The following ZNF704 variants were observed in gnomAD, a reference collection of about 807,000 sequenced individuals.
ZNF704 encodes glucocorticoid induced gene 1.
In ZNF704, 10 loss-of-function variants were observed where a neutral mutation model predicts 44.7. The ratio of observed to expected loss-of-function variants is 0.22; its 90% CI spans 0.14 to 0.38. The LOEUF is 0.38. Ranked by LOEUF, ZNF704 falls within the 10% of genes least tolerant of loss-of-function variation. ZNF704 has a pLI of 1.00. For synonymous variants in ZNF704, 211 were observed against 207.6 expected, an observed-to-expected ratio of 1.02 and a Z score of -0.14; for missense variants, 390 against 545.5, an observed-to-expected ratio of 0.71 and a Z score of 2.84.
intron 1 of ZNF704, among the ~76,000 whole-genome samples, chr8:80,842,910 G>C: frequency 6.6e-6 from 1 of 152,046 alleles, no homozygotes; most frequent in East Asian, 1.9e-4. Context: ...TAAACCAAAG[G>C]GATCCATGCT....
intron 1 of ZNF704, among the ~76,000 whole-genome samples, chr8:80,854,075 T>C (rs781770344): frequency 6.6e-6 from 1 of 152,322 alleles, no homozygotes; most frequent in East Asian, 1.9e-4. Context: ...TGGCCACCAC[T>C]GCCTCGTGAC....
chr8:80,766,003 T>TA (rs961973881), intron 2 of ZNF704, among the ~76,000 whole-genome samples: 11 of 151,554 alleles, frequency 7.3e-5, no homozygotes, highest in Admixed American at 5.9e-4. Context: ...ATTTAGCAAT[T>TA]AAAAAAAAAG....
intron 2 of ZNF704, among the ~76,000 whole-genome samples, chr8:80,756,133 A>G (rs1313220160): frequency 1.3e-5 from 2 of 151,858 alleles, no homozygotes; most frequent in Non-Finnish European, 2.9e-5. Flanking sequence ...GTAGCTGAAG[A>G]GCTATAGTAT....
chr8:80,653,561 G>C (rs1817958599), intron 7 of ZNF704, among the ~76,000 whole-genome samples: 1 of 152,092 alleles, frequency 6.6e-6, no homozygotes, highest in African/African-American at 2.4e-5. Flanking sequence ...CAAACAGAGA[G>C]CCAAATCATG....
intron 2 of ZNF704, among the ~76,000 whole-genome samples, chr8:80,789,453 T>C (rs1355975025): frequency 6.6e-6 from 1 of 152,124 alleles, no homozygotes; most frequent in Non-Finnish European, 1.5e-5. Context: ...ACAAAGAGCA[T>C]AACTAAAAAT....
In ZNF704 at chr8:80,874,573, A is replaced by C; in HGVS notation, c.-24T>G. 6.7e-6 allele frequency: 1 copy of C among 150,138 alleles called. No individual in the cohort carries two copies. The highest frequency in any genetic ancestry group is 1.5e-5 in the Non-Finnish European group (1 of 67,506). The allele number at this position is 150,138 out of a possible 1,614,324, so 9.3% of individuals were successfully genotyped here. A position where few individuals can be genotyped will look rare whatever the true frequency, so the allele number is the denominator to read the frequency against. ...ACTGGATTTTTTTTTTCTCTTACCC[A>C]CAGTCTCCGAAAGTCTGGCGCTTCG... On this transcript the variant is annotated splice_region_variant and 5_prime_UTR_variant, in exon 1 of 9. Coordinates refer to ENST00000327835, the MANE Select transcript of ZNF704 (RefSeq NM_001033723.3). The surrounding 1 kb of genome is among the most constrained non-coding windows in gnomAD (Gnocchi z 4.4).
intron 2 of ZNF704, among the ~76,000 whole-genome samples, chr8:80,809,312 T>G (rs1366294029): frequency 6.6e-6 from 1 of 151,812 alleles, no homozygotes; most frequent in African/African-American, 2.4e-5. Flanking sequence ...AAAACAAAAC[T>G]CTCACATCCT....
intron 2 of ZNF704, among the ~76,000 whole-genome samples, chr8:80,734,931 G>T (rs1028262330): frequency 2.0e-5 from 3 of 152,096 alleles, no homozygotes; most frequent in African/African-American, 7.2e-5. Context: ...TCTCAGATTT[G>T]TTCATCCTTC....
rs537070889 is a variant in ZNF704, at chr8:80,754,022, C to A, written c.222-60915G>T. Among the ~76,000 whole-genome samples, 5 of 152,290 alleles carry A rather than the reference C, an allele frequency of 3.3e-5. No homozygotes were observed. The East Asian group carries it at 9.6e-4, about 29-fold the overall frequency. On this transcript the variant is annotated intron_variant, in intron 2 of 8. Coordinates refer to ENST00000327835, the MANE Select transcript of ZNF704 (RefSeq NM_001033723.3). ...ACACCCTAAGCAAGCAGCTGCCAGT[C>A]TTACTCACTTGGCTTCGAACTGTGG...
intron 1 of ZNF704, among the ~76,000 whole-genome samples, chr8:80,829,042 C>T (rs975618540): frequency 1.3e-5 from 2 of 152,138 alleles, no homozygotes; most frequent in Non-Finnish European, 2.9e-5. Flanking sequence ...CTTTGGTTTA[C>T]TTGTAACTCA....
At chr8:80,857,117 A>C (rs968306803) in intron 1 of ZNF704, among the ~76,000 whole-genome samples, 1 of 152,074 alleles carries the variant, frequency 6.6e-6, no homozygotes, top group Non-Finnish European at 1.5e-5. Context: ...CGATATTTGA[A>C]ATCTCATTTT....
At chr8:80,803,174 C>G (rs1017708464) in intron 2 of ZNF704, among the ~76,000 whole-genome samples, 2 of 151,980 alleles carry the variant, frequency 1.3e-5, no homozygotes, top group African/African-American at 4.8e-5. Flanking sequence ...AACTACTGCT[C>G]AAAGCATCAG....
intron 1 of ZNF704, among the ~76,000 whole-genome samples, chr8:80,828,177 C>T (rs1808411687): frequency 6.6e-6 from 1 of 152,152 alleles, no homozygotes; most frequent in Non-Finnish European, 1.5e-5. Flanking sequence ...TTACAATCTA[C>T]TCAGCAGTTA....
At chr8:80,751,900 C>G (rs1806950625) in intron 2 of ZNF704, among the ~76,000 whole-genome samples, 2 of 152,120 alleles carry the variant, frequency 1.3e-5, no homozygotes, top group Admixed American at 6.5e-5. Flanking sequence ...ACCACCACGC[C>G]CAGCTAATTT....
chr8:80,680,794 G>C (rs1250983909), intron 4 of ZNF704, among the ~76,000 whole-genome samples: 1 of 152,174 alleles, frequency 6.6e-6, no homozygotes, highest in Non-Finnish European at 1.5e-5. Flanking sequence ...GACTGAATGA[G>C]AGTAGAGATT....
chr8:80,652,383 T>G (rs190931464), intron 7 of ZNF704, among the ~76,000 whole-genome samples: 30,880 of 151,634 alleles, frequency 0.2, 6,923 homozygotes, highest in African/African-American at 0.56. Flanking sequence ...CCAGGAGCTG[T>G]TTTTTTTAAA....
intron 2 of ZNF704, among the ~76,000 whole-genome samples, chr8:80,718,427 T>C (rs1379996696): frequency 1.3e-5 from 2 of 152,142 alleles, no homozygotes; most frequent in African/African-American, 4.8e-5. Context: ...CCTCTAGAGG[T>C]AGAGTATTCT....
intron 1 of ZNF704, among the ~76,000 whole-genome samples, chr8:80,862,597 C>CAAAA (rs10523461): frequency 3.0e-5 from 3 of 100,122 alleles, no homozygotes; most frequent in African/African-American, 8.6e-5. Flanking sequence ...TTGTCTCTAC[C>CAAAA]AAAAAAAAAA....
chr8:80,801,207 C>A (rs566724295), intron 2 of ZNF704, among the ~76,000 whole-genome samples: 4 of 152,238 alleles, frequency 2.6e-5, no homozygotes, highest in African/African-American at 9.6e-5. Flanking sequence ...TAGACTCCCA[C>A]AAAATAATAG....
Sources: allele counts gnomAD v4.1 joint callset (sites outside exome capture counted in the v4.1 genomes callset), GRCh38; gene constraint gnomAD v4.1.1; non-coding constraint Gnocchi (gnomAD v3.1); transcripts MANE v1.5; gene names NCBI Gene and HGNC (gene_info 2026-07-23, HGNC 2026-07-21).